Variants in RPL12 observed in about 807,000 individuals in gnomAD.
RPL12 encodes the protein ribosomal protein L12, also known as large ribosomal subunit protein uL11.
A neutral mutation model predicts 24.5 loss-of-function variants in RPL12; 10 were observed. The ratio of observed to expected loss-of-function variants is 0.41; its 90% confidence interval spans 0.25 to 0.69. The LOEUF is 0.69. Ranked by LOEUF, RPL12 falls within the 30% of genes least tolerant of loss-of-function variation. RPL12 has a pLI of 0.33. For synonymous variants in RPL12, 74 were observed against 76.1 expected (o/e 0.97, Z 0.14); for missense variants, 137 against 205.3 (o/e 0.67, Z 2.03).
chr9:127,447,826 A>G, intron 6 of RPL12, 51 bp downstream of exon 6: 1 of 1,611,480 alleles, frequency 6.2e-7, no homozygotes. Flanking sequence ...CTGTGAATAC[A>G]CTGGGTGGCC....
chr9:127,448,201 A>G (rs1276373234), intron 5 of RPL12, 136 bp downstream of exon 5: 2 of 977,136 alleles, frequency 2.0e-6, no homozygotes, highest in African/African-American at 1.6e-5. Context: ...CATCCAATTT[A>G]CGATCCATCC....
In RPL12 at chr9:127,451,325, G is replaced by A. The variant is rs1044069573; in HGVS notation, c.-8C>T. The A allele has an allele frequency of 6.8e-6, 11 of 1,612,222 alleles. No individual in the cohort carries two copies. The highest frequency in any genetic ancestry group is 1.3e-5 in the African/African-American group (1 of 74,916). On this transcript the variant is annotated 5_prime_UTR_variant, in exon 1 of 7. Coordinates refer to ENST00000361436, the MANE Select transcript of RPL12 (RefSeq NM_000976.4). ...GTCGAACTTCGGCGGCATGGTGGAGGCGGCTGGTGTCGGATGAACCCGGAT... is the reference window on the plus strand; with the variant it reads ...GTCGAACTTCGGCGGCATGGTGGAGACGGCTGGTGTCGGATGAACCCGGAT...
chr9:127,448,689 A>C, intron 4 of RPL12: 1 of 677,754 alleles, frequency 1.5e-6, no homozygotes, highest in East Asian at 3.0e-5. Flanking sequence ...GTTTTAGAGA[A>C]ATGACAAGCT....
In RPL12 at chr9:127,451,294, G is replaced by A. The variant is rs1207513733; in HGVS notation, c.24C>T (p.Asn8=). The A allele has an allele frequency of 1.9e-6, 3 of 1,613,136 alleles. No individual in the cohort carries two copies. The highest frequency in any genetic ancestry group is 2.7e-5 in the African/African-American group (2 of 74,944). The change falls in exon 1 of 7, where the codon AAC becomes AAT. Residue 8 remains asparagine (N), a synonymous_variant. Coordinates refer to ENST00000361436, the MANE Select transcript of RPL12 (RefSeq NM_000976.4). ...CAGAGCACGCACCGACTTTGATCTC[G>A]TTGGGGTCGAACTTCGGCGGCATGG... MPPKFDP[N]EIKVVYLRCT...
At chr9:127,450,991 G>A in intron 1 of RPL12, 187 bp from the exon 2 acceptor site, 2 of 638,710 alleles carry the variant, frequency 3.1e-6, no homozygotes, top group South Asian at 4.2e-5. Flanking sequence ...GGCGTGGAGA[G>A]AGCCCCGTCG....
Position 127,448,479 on chromosome 9 carries a change from T to C in RPL12, c.293-56A>G, listed in dbSNP as rs747031609. On this transcript the variant is annotated intron_variant, in intron 4 of 6. Coordinates refer to ENST00000361436, the MANE Select transcript of RPL12 (RefSeq NM_000976.4). ...TAAAGTCTGAAGCCAAAGCAGATCATGTGTCCTTCATTTCATTTCTAGGCT... is the reference window on the plus strand; with the variant it reads ...TAAAGTCTGAAGCCAAAGCAGATCACGTGTCCTTCATTTCATTTCTAGGCT... The C allele has an allele frequency of 6.2e-6, 7 of 1,121,062 alleles. No individual in the cohort carries two copies. In the East Asian group the frequency reaches 7.0e-5, roughly 11 times the overall value. The allele number at this position is 1,121,062 out of a possible 1,614,324, so 69.4% of individuals were successfully genotyped here. A position where few individuals can be genotyped will look rare whatever the true frequency, so the allele number is the denominator to read the frequency against.
In RPL12 at chr9:127,449,698, T is replaced by C; in HGVS notation, c.122A>G (p.Lys41Arg). Residue 41 changes from lysine to arginine, a missense_variant, in exon 3 of 7, where the codon AAA becomes AGA. Physicochemically the swap from Lys to Arg is conservative, Grantham distance 26. Coordinates refer to ENST00000361436, the MANE Select transcript of RPL12 (RefSeq NM_000976.4). ...TGCCTTGGCAATGTCATCACCAACTTTTTTTGGAGACTAGAAATAAAGGCA... is the reference window on the plus strand; with the variant it reads ...TGCCTTGGCAATGTCATCACCAACTCTTTTTGGAGACTAGAAATAAAGGCA... Reference protein sequence around the residue: ...KIGPLGLSPKKVGDDIAKATG... With the variant: ...KIGPLGLSPKRVGDDIAKATG... The C allele has an allele frequency of 6.2e-7, 1 of 1,613,384 alleles. No individual in the cohort carries two copies. Among genetic ancestry groups the C allele is most frequent in the Non-Finnish European group, 8.5e-7 (1 of 1,179,900 alleles).
chr9:127,450,597 T>TA, intron 2 of RPL12, 134 bp downstream of exon 2: 3 of 621,024 alleles, frequency 4.8e-6, no homozygotes, highest in Non-Finnish European at 8.4e-6. Flanking sequence ...ACCTAGTACT[T>TA]GTTCAGTGGC....
Position 127,449,361 on chromosome 9 carries a change from A to T in RPL12, c.212T>A (p.Ile71Asn), listed in dbSNP as rs1482519869. The T allele has an allele frequency of 6.2e-7, 1 of 1,607,796 alleles. No homozygotes were observed. Among genetic ancestry groups the T allele is most frequent in the Non-Finnish European group, 8.5e-7 (1 of 1,179,650 alleles). ...KLTIQNRQAQ[I>N]EVVPSASALI... ...GGCAGAGGCAGAAGGCACCACCTCAATCTGCAGAAGAGATTCCTGAGTGAA... is the reference window on the plus strand; with the variant it reads ...GGCAGAGGCAGAAGGCACCACCTCATTCTGCAGAAGAGATTCCTGAGTGAA... Residue 71 changes from isoleucine to asparagine, a missense_variant and splice_region_variant, in exon 4 of 7, where the codon ATT becomes AAT. Physicochemically the swap from Ile to Asn is moderately radical, Grantham distance 149. Transcript: ENST00000361436.
chr9:127,449,406 A>G (rs1834228718), intron 3 of RPL12, 44 bp from the exon 4 acceptor site: 1 of 1,540,532 alleles, frequency 6.5e-7, no homozygotes, highest in South Asian at 1.1e-5. Context: ...TCCAGTGAAT[A>G]CTGCCATGCA....
chr9:127,449,804 T>C, intron 2 of RPL12, 96 bp from the exon 3 acceptor site: 3 of 926,970 alleles, frequency 3.2e-6, no homozygotes, highest in South Asian at 2.7e-5. Context: ...AAGGAAGCTA[T>C]CTCAAGTACC....
chr9:127,449,954 G>C, intron 2 of RPL12: 1 of 481,440 alleles, frequency 2.1e-6, no homozygotes, highest in Non-Finnish European at 3.8e-6. Flanking sequence ...GCTTAAGGAG[G>C]GGGATTTTCA....
intron 5 of RPL12, 60 bp downstream of exon 5, chr9:127,448,277 T>A: frequency 1.5e-6 from 2 of 1,343,094 alleles, no homozygotes; most frequent in Non-Finnish European, 2.1e-6. Context: ...AAGAAGAATG[T>A]TATCACTCAG....
chr9:127,449,941 T>C lies in RPL12; in HGVS notation c.112-233A>G, dbSNP rs368892104. 7.9e-4 allele frequency: 407 copies of C among 516,072 alleles called. 1 individual carries two copies. The highest frequency in any genetic ancestry group is 1.2e-3 in the Admixed American group (36 of 31,196). The allele number at this position is 516,072 out of a possible 1,614,324, so 32.0% of individuals were successfully genotyped here. On this transcript the variant is annotated intron_variant, in intron 2 of 6. Transcript: ENST00000361436. ...ACCTAGACCCCCTCCTAAGTGCCCA[T>C]GTGCTTAAGGAGGGGGATTTTCAGC...
chr9:127,449,260 A>G, intron 4 of RPL12, 21 bp downstream of exon 4: 1 of 1,604,588 alleles, frequency 6.2e-7, no homozygotes, highest in Non-Finnish European at 8.5e-7. Flanking sequence ...CCAAAACCAA[A>G]CTAGGGAAAA....
At chr9:127,450,047 T>TG (rs1290236043) in intron 2 of RPL12, 1 of 247,028 alleles carries the variant, frequency 4.0e-6, no homozygotes, top group African/African-American at 2.2e-5. Context: ...TCTTCCTGGA[T>TG]GGAGGTCTGA....
chr9:127,451,093 C>A, intron 1 of RPL12, 188 bp downstream of exon 1: 1 of 783,384 alleles, frequency 1.3e-6, no homozygotes, highest in South Asian at 1.9e-5. Context: ...TGGTCCAGTC[C>A]TCCCTCCCCA....
Position 127,450,865 on chromosome 9 carries a change from C to T in RPL12, c.38-61G>A, listed in dbSNP as rs1333148749. On this transcript the variant is annotated intron_variant, in intron 1 of 6. Transcript: ENST00000361436. The stretch of plus-strand genomic sequence containing the variant: ...GAGCCCCGAGCCACAGCCCTCTCAG[C>T]GTCTTTCCGGGGTTGGACACGCCAC... 12 of 1,312,236 alleles carry T rather than the reference C, an allele frequency of 9.1e-6. No individual in the cohort carries two copies. In the Admixed American group the frequency reaches 1.6e-4, roughly 17 times the overall value. 81.3% of individuals were successfully genotyped at this position (1,312,236 alleles called of 1,614,324 possible).
At chr9:127,447,832 T>C (rs1139400) in intron 6 of RPL12, 45 bp downstream of exon 6, 996,573 of 1,610,758 alleles carry the variant, frequency 0.62, 311,115 homozygotes, top group Admixed American at 0.68. Flanking sequence ...ATACACTGGG[T>C]GGCCCCCCTT....
Sources: gnomAD v4.1 joint callset for allele counts on GRCh38, gnomAD v4.1.1 for gene constraint, MANE v1.5 for transcripts, NCBI Gene and HGNC (gene_info 2026-07-23, HGNC 2026-07-21) for gene names.